Variants in USP44 observed in about 807,000 individuals in gnomAD.
USP44 encodes ubiquitin specific peptidase 44, also known as ubiquitin carboxyl-terminal hydrolase 44.
Under a neutral mutation model 69.0 loss-of-function variants are expected in USP44, and 61 were observed. The ratio of observed to expected loss-of-function variants is 0.88; its 90% CI spans 0.72 to 1.09. The LOEUF (loss-of-function observed/expected upper bound fraction) is 1.09. Among genes scored for constraint, USP44 ranks in the 50% least tolerant of loss-of-function variants. USP44 has a pLI of 0.00. For missense variants in USP44, 753 were observed against 849.9 expected (o/e 0.89, Z 1.42); for synonymous variants, 297 against 295.4 (o/e 1.01, Z -0.06).
intron 1 of USP44, among the ~76,000 whole-genome samples, chr12:95,549,893 T>C (rs1263003693): frequency 6.6e-6 from 1 of 152,056 alleles, no homozygotes; most frequent in East Asian, 1.9e-4. Flanking sequence ...AGGTCTGACA[T>C]AGAGGCCGGG....
intron 1 of USP44, among the ~76,000 whole-genome samples, chr12:95,543,922 G>C (rs1226155781): frequency 1.7e-5 from 2 of 115,106 alleles, no homozygotes; most frequent in Admixed American, 1.1e-4. Flanking sequence ...AGCCGAGATC[G>C]CGCCACTGCA....
At chr12:95,547,223 A>G (rs2140394058) in intron 1 of USP44, among the ~76,000 whole-genome samples, 1 of 152,364 alleles carries the variant, frequency 6.6e-6, no homozygotes, top group South Asian at 2.1e-4. Flanking sequence ...TCAGCTTTCT[A>G]AACTGTATGC....
chr12:95,543,966 C>CAAAA (rs760105964), intron 1 of USP44, among the ~76,000 whole-genome samples: 6 of 47,682 alleles, frequency 1.3e-4, no homozygotes, highest in Non-Finnish European at 1.9e-4. Flanking sequence ...GACTGCATCT[C>CAAAA]AAAAAAAAAA....
intron 4 of USP44, among the ~76,000 whole-genome samples, chr12:95,523,688 C>CAAAAAAAAAAA (rs2076738690): frequency 2.3e-5 from 2 of 87,210 alleles, no homozygotes; most frequent in Non-Finnish European, 4.7e-5. Flanking sequence ...CCTGTCTCTA[C>CAAAAAAAAAAA]CAAAAAAAAA....
chr12:95,551,674 T>C (rs1006293066), upstream of USP44: 3 of 152,294 alleles, frequency 2.0e-5, no homozygotes, highest in African/African-American at 7.2e-5. Flanking sequence ...AAAACACTGC[T>C]GAAATGCCTA....
intron 1 of USP44, among the ~76,000 whole-genome samples, chr12:95,536,039 CTTTTTTTTTT>C (rs397821709): frequency 7.2e-5 from 7 of 97,532 alleles, no homozygotes; most frequent in Non-Finnish European, 1.5e-4. Flanking sequence ...CTTTTTTTTC[CTTTTTTTTTT>C]TTTTTTTTTT....
chr12:95,535,851 CTG>C (rs1255856699), intron 1 of USP44, among the ~76,000 whole-genome samples: 6 of 152,004 alleles, frequency 3.9e-5, no homozygotes, highest in Non-Finnish European at 8.8e-5. Flanking sequence ...GCAGTTGAAA[CTG>C]TGAATTTCAA....
intron 4 of USP44, 75 bp downstream of exon 4, chr12:95,524,605 T>C: frequency 1.8e-6 from 2 of 1,131,378 alleles, no homozygotes; most frequent in African/African-American, 1.6e-5. Context: ...GAAAAAATTA[T>C]AACATGCATT....
At chr12:95,543,087 C>CA (rs556889371) in intron 1 of USP44, among the ~76,000 whole-genome samples, 6,792 of 110,210 alleles carry the variant, frequency 0.062, 213 homozygotes, top group South Asian at 0.12. Context: ...GACTCTGTCT[C>CA]AAAAAAAAAA....
At position 95,518,025 on chromosome 12, in the gene USP44, T is replaced by C. The variant is rs2076529357; in HGVS notation, c.*129A>G. On this transcript the variant is annotated 3_prime_UTR_variant, in exon 6 of 6. Transcript: ENST00000258499. ...CATTTATACTTTGTAAAAAAAAAAA[T>C]TGTTAGATATAAAATGTATAAATGT... 1.1e-6 allele frequency: 1 copy of C among 937,516 alleles called. No individual in the cohort carries two copies. The highest frequency in any genetic ancestry group is 3.0e-5 in the Admixed American group (1 of 33,178). The allele number at this position is 937,516 out of a possible 1,614,324, so 58.1% of individuals were successfully genotyped here.
intron 4 of USP44, among the ~76,000 whole-genome samples, chr12:95,524,301 C>T (rs1485612031): frequency 6.6e-6 from 1 of 151,514 alleles, no homozygotes; most frequent in Non-Finnish European, 1.5e-5. Flanking sequence ...AGGCTAGTCT[C>T]GAACTCCTAA....
intron 1 of USP44, among the ~76,000 whole-genome samples, chr12:95,539,111 T>C (rs1269912868): frequency 1.3e-5 from 2 of 152,218 alleles, no homozygotes; most frequent in Non-Finnish European, 2.9e-5. Flanking sequence ...AAACTATCTG[T>C]GCTATAATTC....
At chr12:95,521,689 G>A (rs754172581) in intron 4 of USP44, among the ~76,000 whole-genome samples, 35 of 152,144 alleles carry the variant, frequency 2.3e-4, no homozygotes, top group Non-Finnish European at 4.9e-4. Flanking sequence ...ACTTTATCAT[G>A]TTGGCCAGGC....
rs146355115 is a variant in USP44, at chr12:95,527,329, A to G, written c.1624+1478T>C. ...AGGCTGGTCTCGAACTCCTGACCTC[A>G]GGTGATCTGCCCACCTCAGCCTCCC... On this transcript the variant is annotated intron_variant, in intron 3 of 5. Coordinates refer to ENST00000258499, the MANE Select transcript of USP44 (RefSeq NM_032147.5). Among the ~76,000 whole-genome samples the G allele has an allele frequency of 9.2e-3, 1,393 of 151,978 alleles. 27 individuals are homozygous for G. Among genetic ancestry groups the G allele is most frequent in the African/African-American group, 0.032 (1,335 of 41,428 alleles).
chr12:95,524,559 T>C, intron 4 of USP44, 121 bp downstream of exon 4: 1 of 673,564 alleles, frequency 1.5e-6, no homozygotes, highest in African/African-American at 1.9e-5. Flanking sequence ...ATATTAAAAG[T>C]TAATTCATTT....
At chr12:95,541,955 C>T (rs1249030586) in intron 1 of USP44, among the ~76,000 whole-genome samples, 3 of 147,920 alleles carry the variant, frequency 2.0e-5, no homozygotes, top group Non-Finnish European at 4.4e-5. Context: ...TCTTGGCTCA[C>T]TGCAACTTCC....
intron 4 of USP44, among the ~76,000 whole-genome samples, chr12:95,523,236 A>C (rs1466471179): frequency 6.6e-6 from 1 of 152,128 alleles, no homozygotes; most frequent in Admixed American, 6.5e-5. Flanking sequence ...AAATTAATCA[A>C]ACCAGGGGAG....
chr12:95,541,493 C>T (rs1368441560), intron 1 of USP44, among the ~76,000 whole-genome samples: 1 of 151,994 alleles, frequency 6.6e-6, no homozygotes, highest in Non-Finnish European at 1.5e-5. Context: ...GTGGGAGGAT[C>T]ACCTAAGCAT....
rs774295219 is a variant in USP44, at chr12:95,533,021, G to A, written c.1236C>T (p.Leu412=). ...PFAMLHSVWR[L]IPAFRGYAQQ... Reference sequence around the variant, plus strand: ...GGGCGTAACCACGAAAGGCAGGAATGAGTCTCCACACTGAGTGTAGCATAG... The same window carrying A: ...GGGCGTAACCACGAAAGGCAGGAATAAGTCTCCACACTGAGTGTAGCATAG... The change falls in exon 2 of 6, where the codon CTC becomes CTT. Residue 412 remains leucine, a synonymous_variant. Transcript: ENST00000258499. The A allele has an allele frequency of 6.8e-6, 11 of 1,614,104 alleles. No homozygotes were observed. The African/African-American group carries it at 1.5e-4, about 22-fold the overall frequency.
Sources: gnomAD v4.1 joint callset for allele counts (sites outside exome capture counted in the v4.1 genomes callset) on GRCh38, gnomAD v4.1.1 for gene constraint, MANE v1.5 for transcripts, NCBI Gene and HGNC (gene_info 2026-07-23, HGNC 2026-07-21) for gene names.